Variants in XXYLT1 observed in about 807,000 individuals in gnomAD.
XXYLT1 encodes UDP-xylose:alpha-xyloside alpha-1,3-xylosyltransferase.
In XXYLT1, 20 loss-of-function variants were observed where a neutral mutation model predicts 28.9. The observed-to-expected ratio is 0.69, with a 90% confidence interval of 0.49 to 1.00. The LOEUF is 1.00. XXYLT1 is among the 50% of genes least tolerant of loss of function. The probability of loss-of-function intolerance (pLI) is 0.00; values close to 1 mark genes in which losing one functional copy is unlikely to be tolerated. For synonymous variants in XXYLT1, 257 were observed against 253.8 expected, an observed-to-expected ratio of 1.01 and a Z score of -0.12; for missense variants, 542 against 560.1, an observed-to-expected ratio of 0.97 and a Z score of 0.33.
chr3:195,073,033 C>T (rs531831601), intron 3 of XXYLT1, among the ~76,000 whole-genome samples: 3 of 152,314 alleles, frequency 2.0e-5, no homozygotes, highest in East Asian at 1.9e-4. Flanking sequence ...CTCTCCACCT[C>T]GGCTCCCTCT....
At chr3:195,084,334 T>C (rs1433419992) in intron 3 of XXYLT1, among the ~76,000 whole-genome samples, 1 of 151,844 alleles carries the variant, frequency 6.6e-6, no homozygotes, top group Non-Finnish European at 1.5e-5. Context: ...CAGGGATACT[T>C]AGAGGCAGGA....
rs1339421263 is a variant in XXYLT1, at chr3:195,069,627, CG to C, written c.*87del. On this transcript the variant is annotated 3_prime_UTR_variant, in exon 4 of 4. Transcript: ENST00000310380. ...GGACTTCCCTGCGGTGTCTCTCTAG[CG>C]GGTCAGACACTGCCCTTGGGTCTGT... 1.0e-5 allele frequency: 15 copies of C among 1,493,694 alleles called. No individual in the cohort carries two copies. In the African/African-American group the frequency reaches 1.7e-4, roughly 17 times the overall value. 92.5% of individuals were successfully genotyped at this position (1,493,694 alleles called of 1,614,324 possible).
At chr3:195,138,054 G>A (rs1453903105) in intron 3 of XXYLT1, among the ~76,000 whole-genome samples, 5 of 152,132 alleles carry the variant, frequency 3.3e-5, no homozygotes, top group African/African-American at 4.8e-5. Context: ...AGTATGTTTC[G>A]CAAAGTCATT....
chr3:195,077,297 C>T lies in XXYLT1; in HGVS notation c.786-7186G>A, dbSNP rs554404037. On this transcript the variant is annotated intron_variant, in intron 3 of 3. Coordinates refer to ENST00000310380, the MANE Select transcript of XXYLT1 (RefSeq NM_152531.5). The surrounding 1 kb of genome is among the most constrained non-coding windows in gnomAD (Gnocchi z 4.8). ...CAAAAGCTCCCCCTTGCAACATCTCCTGCAATCTCAACCCAGAGGCAGTGC... is the reference window on the plus strand; with the variant it reads ...CAAAAGCTCCCCCTTGCAACATCTCTTGCAATCTCAACCCAGAGGCAGTGC... 1.2e-4 allele frequency among the ~76,000 whole-genome samples: 18 copies of T among 152,324 alleles called. No homozygotes were observed. Among genetic ancestry groups the T allele is most frequent in the South Asian group, 6.2e-4 (3 of 4,834 alleles).
intron 2 of XXYLT1, among the ~76,000 whole-genome samples, chr3:195,174,421 C>T (rs377354596): frequency 2.0e-4 from 31 of 152,262 alleles, no homozygotes; most frequent in African/African-American, 6.7e-4. Flanking sequence ...TCACTGCAGC[C>T]TTGATTTCCC....
At position 195,159,479 on chromosome 3, in the gene XXYLT1, G is replaced by A. The variant is rs145940460; in HGVS notation, c.653-2898C>T. On this transcript the variant is annotated intron_variant, in intron 2 of 3. Transcript: ENST00000310380. ...ACAGGCCATAAACTCCTAGAGAGCA[G>A]AATGCATTGTGTAATGGACCAAAGG... 1.5e-4 allele frequency among the ~76,000 whole-genome samples: 23 copies of A among 152,310 alleles called. No individual in the cohort carries two copies. The East Asian group carries it at 4.2e-3, about 28-fold the overall frequency.
chr3:195,110,859 G>GAGTGTGTGTGGTGTA (rs1553804048), intron 3 of XXYLT1, among the ~76,000 whole-genome samples: 1 of 99,218 alleles, frequency 1.0e-5, no homozygotes, highest in Non-Finnish European at 2.2e-5. Context: ...TGTTGTATAA[G>GAGTGTGTGTGGTGTA]TGTGTGTGTG....
At chr3:195,190,611 T>G (rs560271630) in intron 2 of XXYLT1, among the ~76,000 whole-genome samples, 1 of 151,494 alleles carries the variant, frequency 6.6e-6, no homozygotes, top group African/African-American at 2.4e-5. Context: ...ATTTTAAATA[T>G]ATGTACTAAT....
chr3:195,260,238 C>T (rs564002363), intron 1 of XXYLT1, among the ~76,000 whole-genome samples: 3 of 150,766 alleles, frequency 2.0e-5, no homozygotes, highest in Admixed American at 6.6e-5. Context: ...GCACTGCACT[C>T]GGCCCGTGTG....
In XXYLT1 at chr3:195,156,597, A is replaced by G. The variant is rs781028691; in HGVS notation, c.653-16T>C. 1.2e-6 allele frequency: 2 copies of G among 1,613,554 alleles called. No homozygotes were observed. The highest frequency in any genetic ancestry group is 1.7e-5 in the Admixed American group (1 of 59,942). On this transcript the variant is annotated splice_polypyrimidine_tract_variant and intron_variant, in intron 2 of 3. Transcript: ENST00000310380. The stretch of plus-strand genomic sequence containing the variant: ...TGCAGGATCTCTGCGGGAAAGAGAA[A>G]AGGACAATGAGACACAGGTACACCT...
intron 2 of XXYLT1, among the ~76,000 whole-genome samples, chr3:195,219,030 T>C (rs1723702112): frequency 6.6e-6 from 1 of 151,848 alleles, no homozygotes; most frequent in African/African-American, 2.4e-5. Flanking sequence ...ATGGATGAAA[T>C]TGGAAATCAT....
intron 2 of XXYLT1, among the ~76,000 whole-genome samples, chr3:195,214,280 A>C (rs1188387714): frequency 6.6e-6 from 1 of 152,140 alleles, no homozygotes; most frequent in African/African-American, 2.4e-5. Flanking sequence ...ACTAGTCAAC[A>C]GGGTCCTGGA....
At chr3:195,127,768 C>T (rs1391066298) in intron 3 of XXYLT1, among the ~76,000 whole-genome samples, 1 of 111,920 alleles carries the variant, frequency 8.9e-6, no homozygotes, top group Non-Finnish European at 1.8e-5. Flanking sequence ...CAGAGTGAGA[C>T]AAAATGTGTG....
chr3:195,159,539 T>C (rs1720764871), intron 2 of XXYLT1, among the ~76,000 whole-genome samples: 1 of 152,154 alleles, frequency 6.6e-6, no homozygotes, highest in Admixed American at 6.5e-5. Context: ...CCAACACAAC[T>C]AGCTCGTGGA....
chr3:195,187,929 T>A (rs940014438), intron 2 of XXYLT1, among the ~76,000 whole-genome samples: 30 of 152,158 alleles, frequency 2.0e-4, no homozygotes, highest in Non-Finnish European at 3.2e-4. Context: ...ACCTTTTTTT[T>A]AAAAAAGTAA....
chr3:195,238,118 C>T (rs957119035), intron 1 of XXYLT1, among the ~76,000 whole-genome samples: 3 of 152,202 alleles, frequency 2.0e-5, no homozygotes, highest in Admixed American at 6.5e-5. Flanking sequence ...GCCTCTAAGC[C>T]GCTGCAATAG....
At chr3:195,163,351 T>G (rs1720966688) in intron 2 of XXYLT1, among the ~76,000 whole-genome samples, 1 of 152,146 alleles carries the variant, frequency 6.6e-6, no homozygotes, top group Non-Finnish European at 1.5e-5. Context: ...CCTTATGGAT[T>G]CAGTCTAAAA....
Position 195,256,620 on chromosome 3 carries a change from C to T in XXYLT1, c.504+13935G>A. The stretch of plus-strand genomic sequence containing the variant: ...CTGGAAAGGGCATGAGCTCTGTAAG[C>T]CCCCAGCACTGTTTATACACGCCTG... On this transcript the variant is annotated intron_variant, in intron 1 of 3. Coordinates refer to ENST00000310380, the MANE Select transcript of XXYLT1 (RefSeq NM_152531.5). This position sits in a 1 kb window ranked among gnomAD's most constrained non-coding sequence, Gnocchi z 4.2. 1.0e-6 allele frequency: 1 copy of T among 969,334 alleles called. No homozygotes were observed. Among genetic ancestry groups the T allele is most frequent in the Non-Finnish European group, 1.2e-6 (1 of 815,234 alleles). The allele number at this position is 969,334 out of a possible 1,614,324, so 60.0% of individuals were successfully genotyped here.
chr3:195,257,070 A>C lies in XXYLT1; in HGVS notation c.504+13485T>G, dbSNP rs1374262363. Among the ~76,000 whole-genome samples, 1 of 152,224 alleles carries C rather than the reference A, an allele frequency of 6.6e-6. No homozygotes were observed. The highest frequency in any genetic ancestry group is 1.5e-5 in the Non-Finnish European group (1 of 68,040). ...ATGACTTTCTGCAGGAGAACCCGTG[A>C]CAAGAGGGACCGGGAAGCTTTCTTT... On this transcript the variant is annotated intron_variant, in intron 1 of 3. Coordinates refer to ENST00000310380, the MANE Select transcript of XXYLT1 (RefSeq NM_152531.5). This position sits in a 1 kb window ranked among gnomAD's most constrained non-coding sequence, Gnocchi z 4.3.
Sources: gnomAD v4.1 joint callset for allele counts (sites outside exome capture counted in the v4.1 genomes callset) on GRCh38, gnomAD v4.1.1 for gene constraint, Gnocchi (gnomAD v3.1) non-coding constraint, MANE v1.5 for transcripts, NCBI Gene and HGNC (gene_info 2026-07-23, HGNC 2026-07-21) for gene names.